The following ZBED4 variants were observed in gnomAD, a reference collection of about 807,000 sequenced individuals.
The protein encoded by ZBED4 is zinc finger BED domain-containing protein 4.
A neutral mutation model predicts 15.5 loss-of-function variants in ZBED4; 4 were observed. The observed-to-expected ratio is 0.26, with a 90% CI of 0.13 to 0.59. The LOEUF (loss-of-function observed/expected upper bound fraction) is 0.59, where lower values mean the gene tolerates loss of function less well. ZBED4 is among the 20% of genes least tolerant of loss of function. The pLI, the probability that ZBED4 is intolerant of heterozygous loss-of-function variation, is 0.90. For synonymous variants in ZBED4, 692 were observed against 608.5 expected (o/e 1.14, Z -2.02); for missense variants, 1,323 against 1,461.8 (o/e 0.91, Z 1.55).
At chr22:49,877,787 T>C (rs1056941556) in intron 1 of ZBED4, among the ~76,000 whole-genome samples, 1 of 152,094 alleles carries the variant, frequency 6.6e-6, no homozygotes, top group African/African-American at 2.4e-5. Flanking sequence ...CACACATCCC[T>C]CCTGACTGTG....
At position 49,886,460 on chromosome 22, in the gene ZBED4, T is replaced by A; in HGVS notation, c.2798T>A (p.Val933Glu). 6.4e-7 allele frequency: 1 copy of A among 1,574,204 alleles called. No homozygotes were observed. Among genetic ancestry groups the A allele is most frequent in the Non-Finnish European group, 8.6e-7 (1 of 1,157,974 alleles). ...SCDQWEVMQS[V>E]CRALKPFEAA... is the part of the protein sequence containing the mutation. ...GACCAGTGGGAGGTCATGCAGTCCGTGTGCCGTGCGCTAAAGCCCTTCGAG... is the reference window on the plus strand; with the variant it reads ...GACCAGTGGGAGGTCATGCAGTCCGAGTGCCGTGCGCTAAAGCCCTTCGAG... Residue 933 changes from valine to glutamate, a missense_variant, in exon 2 of 2, where the codon GTG becomes GAG. By Grantham distance (121) the Val-to-Glu change is moderately radical (BLOSUM62 -2). Transcript: ENST00000216268. The surrounding 1 kb of genome is among the most constrained non-coding windows in gnomAD (Gnocchi z 7.7).
In ZBED4 at chr22:49,886,743, G is replaced by A; in HGVS notation, c.3081G>A (p.Gln1027=). The A allele has an allele frequency of 6.2e-7, 1 of 1,613,020 alleles. No homozygotes were observed. The highest frequency in any genetic ancestry group is 8.5e-7 in the Non-Finnish European group (1 of 1,179,630). Residue 1027 remains glutamine, a synonymous_variant, in exon 2 of 2, where the codon CAG becomes CAA. Transcript: ENST00000216268. The surrounding 1 kb of genome is among the most constrained non-coding windows in gnomAD (Gnocchi z 7.7). ...AGGAGGAGGCGGAGCAGTACAAACA[G>A]GATTTAATCAGGGAACTCGAACTCA... ...FTEEEAEQYK[Q]DLIRELELMN...
At chr22:49,854,746 A>C (rs1208145187) in intron 1 of ZBED4, among the ~76,000 whole-genome samples, 1 of 151,984 alleles carries the variant, frequency 6.6e-6, no homozygotes, top group African/African-American at 2.4e-5. Context: ...CCTCTGTGGA[A>C]ACACGTCCCG....
At position 49,889,383 on chromosome 22, in the gene ZBED4, C is replaced by T. The variant is rs189854107; in HGVS notation, c.*2205C>T. The T allele has an allele frequency of 1.8e-5, 3 of 167,140 alleles. No individual in the cohort carries two copies. The East Asian group carries it at 5.8e-4, about 32-fold the overall frequency. 10.4% of individuals were successfully genotyped at this position (167,140 alleles called of 1,614,324 possible). A position where few individuals can be genotyped will look rare whatever the true frequency, so the allele number is the denominator to read the frequency against. Reference sequence around the variant, plus strand: ...CCACAGGCCCACTGAAAGGGACAAACAGGGCTGAAAATACTCACTGTTTGG... The same window carrying T: ...CCACAGGCCCACTGAAAGGGACAAATAGGGCTGAAAATACTCACTGTTTGG... On this transcript the variant is annotated 3_prime_UTR_variant, in exon 2 of 2. Coordinates refer to ENST00000216268, the MANE Select transcript of ZBED4 (RefSeq NM_014838.3).
chr22:49,858,385 T>A (rs1056662593), intron 1 of ZBED4, among the ~76,000 whole-genome samples: 1 of 152,242 alleles, frequency 6.6e-6, no homozygotes, highest in African/African-American at 2.4e-5. Flanking sequence ...CATGTCCCCG[T>A]CTGAACCAGG....
At chr22:49,865,365 G>A (rs1214720513) in intron 1 of ZBED4, among the ~76,000 whole-genome samples, 4 of 152,148 alleles carry the variant, frequency 2.6e-5, no homozygotes, top group East Asian at 1.9e-4. Context: ...ATGCTTACAC[G>A]GGGGCCGGGC....
rs200720716 is a variant in ZBED4, at chr22:49,864,943, C to CCCG, written c.-330+10956_-330+10957insGCC. The stretch of plus-strand genomic sequence containing the variant: ...TGGGGTTCTATCCCAGCAAGCCCCC[C>CCCG]CCCCCCCCCGTGAAGTCAGAAACCA... On this transcript the variant is annotated intron_variant, in intron 1 of 1. Coordinates refer to ENST00000216268, the MANE Select transcript of ZBED4 (RefSeq NM_014838.3). 1.1e-3 allele frequency among the ~76,000 whole-genome samples: 12 copies of CCCG among 10,892 alleles called. 1 individual carries two copies. The highest frequency in any genetic ancestry group is 3.1e-3 in the Non-Finnish European group (12 of 3,892). The allele number at this position is 10,892 out of a possible 152,430, so 7.1% of individuals were successfully genotyped here.
chr22:49,868,655 A>AT (rs1463600294), intron 1 of ZBED4, among the ~76,000 whole-genome samples: 1 of 152,202 alleles, frequency 6.6e-6, no homozygotes, highest in East Asian at 1.9e-4. Flanking sequence ...AAGTAAAAAG[A>AT]TAAAAATTAT....
chr22:49,883,134 C>T (rs1173306719), intron 1 of ZBED4, among the ~76,000 whole-genome samples, 200 bp from the exon 2 acceptor site: 1 of 152,006 alleles, frequency 6.6e-6, no homozygotes, highest in Non-Finnish European at 1.5e-5. Context: ...TTTTTCATGT[C>T]TCTATTTTTT....
chr22:49,879,379 A>G (rs1204862373), intron 1 of ZBED4, among the ~76,000 whole-genome samples: 3 of 151,830 alleles, frequency 2.0e-5, no homozygotes, highest in African/African-American at 7.2e-5. Flanking sequence ...CGTCTGCCTC[A>G]TCCTCCCGAA....
rs1228205309 is a variant in ZBED4, at chr22:49,887,020, A to C, written c.3358A>C (p.Arg1120=). 1.9e-6 allele frequency: 3 copies of C among 1,614,160 alleles called. No homozygotes were observed. In the Admixed American group the frequency reaches 5.0e-5, roughly 27 times the overall value. Residue 1120 remains arginine, a synonymous_variant, in exon 2 of 2, where the codon AGA becomes CGA. Transcript: ENST00000216268. ...GCCGGGGCTGTCCGCGCTGGCCGTCAGATTTTTGGGCTGCCCCCCAAGCAT... is the reference window on the plus strand; with the variant it reads ...GCCGGGGCTGTCCGCGCTGGCCGTCCGATTTTTGGGCTGCCCCCCAAGCAT... ...SWPGLSALAV[R]FLGCPPSIVP...
intron 1 of ZBED4, among the ~76,000 whole-genome samples, chr22:49,882,226 C>T (rs2060413114): frequency 6.6e-6 from 1 of 152,216 alleles, no homozygotes; most frequent in Non-Finnish European, 1.5e-5. Flanking sequence ...GAAGAGTTCT[C>T]CCACTTTCTG....
rs757667130 is a variant in ZBED4 at position 49,885,675 on chromosome 22, G to T, written c.2013G>T (p.Gln671His). Residue 671 changes from glutamine to histidine, a missense_variant, in exon 2 of 2, where the codon CAG (glutamine) becomes CAT (histidine). Coordinates refer to ENST00000216268, the MANE Select transcript of ZBED4 (RefSeq NM_014838.3). ...CTGAAATGATTGCACTTGACCTCCAGCCATATTCTTTTGTAGACAACGTTG... is the reference window on the plus strand; with the variant it reads ...CTGAAATGATTGCACTTGACCTCCATCCATATTCTTTTGTAGACAACGTTG... ...LIAEMIALDL[Q>H]PYSFVDNVGF... 19 of 1,612,352 alleles carry T rather than the reference G, an allele frequency of 1.2e-5. No homozygotes were observed. The highest frequency in any genetic ancestry group is 1.6e-4 in the Middle Eastern group (1 of 6,080).
chr22:49,861,748 G>T (rs1457911788), intron 1 of ZBED4, among the ~76,000 whole-genome samples: 1 of 152,184 alleles, frequency 6.6e-6, no homozygotes, highest in Non-Finnish European at 1.5e-5. Flanking sequence ...CTGCGTGTCT[G>T]GTTTTTCTGC....
chr22:49,865,966 C>A (rs1467886981), intron 1 of ZBED4, among the ~76,000 whole-genome samples: 1 of 151,990 alleles, frequency 6.6e-6, no homozygotes, highest in Non-Finnish European at 1.5e-5. Flanking sequence ...CCCGCCTCCA[C>A]CTCCCGATGC....
Position 49,885,237 on chromosome 22 carries a change from T to G in ZBED4, c.1575T>G (p.Tyr525Ter), listed in dbSNP as rs1272134937. The change falls in exon 2 of 2, where the codon TAT (tyrosine) becomes TAG (stop). Residue 525 changes from tyrosine to a stop codon, truncating the protein, a stop_gained. Coordinates refer to ENST00000216268, the MANE Select transcript of ZBED4 (RefSeq NM_014838.3). LOFTEE classifies it low-confidence loss of function (END_TRUNC). ...GTGCAAGTCTGGCAAACTCTCCGTA[T>G]GCCACTTTGGCCTCTGCAGAAAGTT... The part of the protein sequence containing the change: ...FLGASLANSP[Y>*]ATLASAESSS... 6.2e-7 allele frequency: 1 copy of G among 1,611,248 alleles called. No homozygotes were observed. Among genetic ancestry groups the G allele is most frequent in the Non-Finnish European group, 8.5e-7 (1 of 1,178,470 alleles).
At chr22:49,876,080 T>C (rs2060375035) in intron 1 of ZBED4, among the ~76,000 whole-genome samples, 1 of 152,204 alleles carries the variant, frequency 6.6e-6, no homozygotes, top group Non-Finnish European at 1.5e-5. Context: ...TATTTGAAAA[T>C]AGTTTGGATT....
At chr22:49,855,016 A>G (rs892715775) in intron 1 of ZBED4, among the ~76,000 whole-genome samples, 3 of 152,170 alleles carry the variant, frequency 2.0e-5, no homozygotes, top group East Asian at 1.9e-4. Context: ...AGTGCTATGA[A>G]TAAGCCACAT....
chr22:49,883,716 TAAAATA>T lies in ZBED4; in HGVS notation c.57_62del (p.Ile20_Lys21del). ...AAGAGGACGGTGATTTCGTTTCTGA[TAAAATA>T]AAGTTTAAAATAGAAGAGGAAGATG... is the stretch of plus-strand genomic sequence containing the variant. On this transcript the variant is annotated inframe_deletion, in exon 2 of 2. Transcript: ENST00000216268. The T allele has an allele frequency of 1.2e-6, 2 of 1,606,844 alleles. No individual in the cohort carries two copies. Among genetic ancestry groups the T allele is most frequent in the Non-Finnish European group, 1.7e-6 (2 of 1,174,738 alleles).
Sources: gnomAD v4.1 joint callset for allele counts (sites outside exome capture counted in the v4.1 genomes callset) on GRCh38, gnomAD v4.1.1 for gene constraint, Gnocchi (gnomAD v3.1) non-coding constraint, MANE v1.5 for transcripts, NCBI Gene and HGNC (gene_info 2026-07-23, HGNC 2026-07-21) for gene names.